Variants in INSYN2A observed in about 807,000 individuals in gnomAD.
The protein encoded by INSYN2A is inhibitory synaptic factor 2A.
INSYN2A carries 17 observed loss-of-function variants against 39.4 expected under a neutral mutation model. The ratio of observed to expected loss-of-function variants is 0.43; its 90% CI spans 0.30 to 0.65. The LOEUF (loss-of-function observed/expected upper bound fraction) is 0.65. Among genes scored for constraint, INSYN2A ranks in the 30% least tolerant of loss-of-function variants. The pLI, the probability that INSYN2A is intolerant of heterozygous loss-of-function variation, is 0.14. For missense variants in INSYN2A, 595 were observed against 631.2 expected (o/e 0.94, Z 0.61); for synonymous variants, 255 against 265.7 (o/e 0.96, Z 0.39).
intron 5 of INSYN2A, among the ~76,000 whole-genome samples, chr10:127,140,619 C>CCGTTGAGTTTGACACACCAAGTCTCTG (rs1370380607): frequency 2.1e-5 from 1 of 48,244 alleles, no homozygotes; most frequent in Non-Finnish European, 7.2e-5. Context: ...CCAAGTCTCT[C>CCGTTGAGTTTGACACACCAAGTCTCTG]GGTTGAGTTT....
At chr10:127,141,183 C>T (rs998675006) in intron 5 of INSYN2A, among the ~76,000 whole-genome samples, 4 of 152,230 alleles carry the variant, frequency 2.6e-5, no homozygotes, top group Non-Finnish European at 5.9e-5. Flanking sequence ...CCAAATGTTG[C>T]CCAATCCATC....
intron 5 of INSYN2A, among the ~76,000 whole-genome samples, chr10:127,152,472 C>T (rs911439144): frequency 2.0e-5 from 3 of 152,174 alleles, no homozygotes; most frequent in Admixed American, 6.5e-5. Context: ...TGCAGGGGCC[C>T]CTCCTCCCTT....
intron 4 of INSYN2A, among the ~76,000 whole-genome samples, chr10:127,155,397 G>C (rs2052942588): frequency 6.6e-6 from 1 of 152,020 alleles, no homozygotes; most frequent in South Asian, 2.1e-4. Context: ...AGTGTTGCCA[G>C]GCACTTTCTG....
intron 5 of INSYN2A, among the ~76,000 whole-genome samples, 188 bp from the exon 6 acceptor site, chr10:127,138,208 C>T (rs1389792822): frequency 6.6e-6 from 1 of 152,180 alleles, no homozygotes; most frequent in Non-Finnish European, 1.5e-5. Flanking sequence ...AGGCTCACTT[C>T]CTTTGGAAAA....
chr10:127,152,023 AT>A (rs879571862), intron 5 of INSYN2A, among the ~76,000 whole-genome samples: 1 of 56,522 alleles, frequency 1.8e-5, no homozygotes, highest in Non-Finnish European at 3.6e-5. Context: ...ATATATATAT[AT>A]TTTTTTTCGA....
Position 127,196,520 on chromosome 10 carries a change from A to T in INSYN2A, c.-918T>A, listed in dbSNP as rs2057164764. 6.8e-6 allele frequency among the ~76,000 whole-genome samples: 1 copy of T among 147,204 alleles called. No homozygotes were observed. Among genetic ancestry groups the T allele is most frequent in the Non-Finnish European group, 1.5e-5 (1 of 66,420 alleles). On this transcript the variant is annotated 5_prime_UTR_variant, in exon 1 of 6. Coordinates refer to ENST00000522781, the MANE Select transcript of INSYN2A (RefSeq NM_001039762.3). ...AGCTACTCCGCGGAGCCGGGCGGCC[A>T]GAGGCGAGGGCGCCCCAAGCCGCGC...
At chr10:127,162,445 A>G (rs373879557) in intron 4 of INSYN2A, among the ~76,000 whole-genome samples, 11 of 152,220 alleles carry the variant, frequency 7.2e-5, no homozygotes, top group African/African-American at 2.7e-4. Flanking sequence ...TACCCTGGCA[A>G]CCTCAACACA....
intron 2 of INSYN2A, among the ~76,000 whole-genome samples, chr10:127,186,259 C>T (rs140321384): frequency 1.2e-3 from 190 of 152,254 alleles, no homozygotes; most frequent in African/African-American, 3.9e-3. Context: ...ACGGACTCTC[C>T]GTTCTGCATT....
intron 2 of INSYN2A, among the ~76,000 whole-genome samples, chr10:127,186,507 G>C (rs1780107): frequency 0.29 from 1,606 of 5,620 alleles, 208 homozygotes; most frequent in Middle Eastern, 0.5. Context: ...GGGAGAAACC[G>C]CCCCCCCGCC....
intron 4 of INSYN2A, among the ~76,000 whole-genome samples, chr10:127,168,621 G>T (rs2054290762): frequency 6.6e-6 from 1 of 152,232 alleles, no homozygotes; most frequent in African/African-American, 2.4e-5. Flanking sequence ...CCAGGTGGAA[G>T]ACTTTGATCT....
chr10:127,187,070 G>A (rs530394506), intron 2 of INSYN2A, among the ~76,000 whole-genome samples: 59 of 152,310 alleles, frequency 3.9e-4, no homozygotes, highest in African/African-American at 1.3e-3. Context: ...AATTCACCCC[G>A]GGGCAAAACA....
chr10:127,147,961 G>C (rs992631238), intron 5 of INSYN2A, among the ~76,000 whole-genome samples: 1 of 149,704 alleles, frequency 6.7e-6, no homozygotes, highest in South Asian at 2.1e-4. Flanking sequence ...AACCCAGGAG[G>C]AGGAGGGTGC....
At chr10:127,157,791 T>C (rs74158626) in intron 4 of INSYN2A, among the ~76,000 whole-genome samples, 1 of 152,222 alleles carries the variant, frequency 6.6e-6, no homozygotes, top group Non-Finnish European at 1.5e-5. Flanking sequence ...AAGTTTTGTT[T>C]GGGATCTTTC....
At chr10:127,183,375 A>G (rs2055922711) in intron 2 of INSYN2A, among the ~76,000 whole-genome samples, 4 of 152,098 alleles carry the variant, frequency 2.6e-5, no homozygotes, top group African/African-American at 7.2e-5. Context: ...TCCCTCTTGT[A>G]TTTTCATCGT....
chr10:127,166,355 G>T (rs563035488), intron 4 of INSYN2A, among the ~76,000 whole-genome samples: 1 of 151,944 alleles, frequency 6.6e-6, no homozygotes, highest in South Asian at 2.1e-4. Context: ...GTGAGCCACC[G>T]CGCCCGGCCC....
intron 5 of INSYN2A, among the ~76,000 whole-genome samples, chr10:127,138,270 G>T (rs1274969224): frequency 2.6e-5 from 4 of 152,224 alleles, no homozygotes; most frequent in African/African-American, 9.6e-5. Context: ...AATGTGCACA[G>T]TTGGTGTATG....
At chr10:127,169,063 A>G (rs973861331) in intron 4 of INSYN2A, among the ~76,000 whole-genome samples, 7 of 152,216 alleles carry the variant, frequency 4.6e-5, no homozygotes, top group Non-Finnish European at 8.8e-5. Context: ...TTCTAGGTTA[A>G]CGCAAGTCAC....
intron 2 of INSYN2A, among the ~76,000 whole-genome samples, chr10:127,185,454 A>C (rs2056142513): frequency 6.6e-6 from 1 of 152,144 alleles, no homozygotes; most frequent in South Asian, 2.1e-4. Flanking sequence ...TGAACCAGGG[A>C]GTGGGAGGTT....
At chr10:127,181,543 A>G (rs1018791600) in intron 2 of INSYN2A, among the ~76,000 whole-genome samples, 7 of 152,202 alleles carry the variant, frequency 4.6e-5, no homozygotes, top group Non-Finnish European at 1.0e-4. Context: ...CAGTCAGAGG[A>G]GTGCCACAAG....
Sources: gnomAD v4.1 joint callset for allele counts (sites outside exome capture counted in the v4.1 genomes callset) on GRCh38, gnomAD v4.1.1 for gene constraint, MANE v1.5 for transcripts, NCBI Gene and HGNC (gene_info 2026-07-23, HGNC 2026-07-21) for gene names.